Variants in ADAMTS3 observed in about 807,000 individuals in gnomAD.
The protein encoded by ADAMTS3 is ADAM metallopeptidase with thrombospondin type 1 motif 3.
In ADAMTS3, 73 loss-of-function variants were observed where a neutral mutation model predicts 129.0. That is an observed-to-expected ratio of 0.57 (90% CI 0.47 to 0.69). ADAMTS3 has a LOEUF of 0.69. Ranked by LOEUF, ADAMTS3 falls within the 30% of genes least tolerant of loss-of-function variation. The probability of loss-of-function intolerance (pLI) is 0.00; values close to 1 mark genes in which losing one functional copy is unlikely to be tolerated. For synonymous variants in ADAMTS3, 477 were observed against 510.8 expected (o/e 0.93, Z 0.89); for missense variants, 1,457 against 1,514.5 (o/e 0.96, Z 0.63).
chr4:72,335,283 A>ATT (rs1467124231), intron 5 of ADAMTS3, among the ~76,000 whole-genome samples: 1 of 152,100 alleles, frequency 6.6e-6, no homozygotes, highest in Non-Finnish European at 1.5e-5. Context: ...TTATGCATCC[A>ATT]AACACCCAGA....
At chr4:72,443,540 A>T (rs1223599151) in intron 3 of ADAMTS3, among the ~76,000 whole-genome samples, 1 of 151,752 alleles carries the variant, frequency 6.6e-6, no homozygotes, top group African/African-American at 2.4e-5. Context: ...TGTTTGACAA[A>T]TTAATTTCCT....
At chr4:72,341,169 T>G (rs574933056) in intron 4 of ADAMTS3, among the ~76,000 whole-genome samples, 102 of 152,294 alleles carry the variant, frequency 6.7e-4, no homozygotes, top group Middle Eastern at 6.8e-3. Flanking sequence ...TTAGAAGTAG[T>G]GAAAGTACAG....
chr4:72,518,664 G>T (rs1479106595), intron 3 of ADAMTS3, among the ~76,000 whole-genome samples: 1 of 152,044 alleles, frequency 6.6e-6, no homozygotes, highest in Non-Finnish European at 1.5e-5. Context: ...TGCAACCCCT[G>T]CTTTTTTTTG....
intron 4 of ADAMTS3, among the ~76,000 whole-genome samples, chr4:72,375,558 G>A (rs1578626109): frequency 6.6e-6 from 1 of 152,272 alleles, no homozygotes; most frequent in East Asian, 1.9e-4. Flanking sequence ...CTGATTCAGT[G>A]TATGGAGTCA....
chr4:72,548,485 T>C lies in ADAMTS3; in HGVS notation c.497A>G (p.Asp166Gly). The C allele has an allele frequency of 6.2e-7, 1 of 1,613,524 alleles. No homozygotes were observed. The highest frequency in any genetic ancestry group is 1.3e-5 in the African/African-American group (1 of 75,000). ...PGTSVAISNC[D>G]GLAGMIKSDN... Reference sequence around the variant, plus strand: ...AAACAGAAGGAGTCTTACCAGACCATCACAGTTGCTGATGGCAACAGAGGT... The same window carrying C: ...AAACAGAAGGAGTCTTACCAGACCACCACAGTTGCTGATGGCAACAGAGGT... Residue 166 changes from aspartate (D) to glycine (G), a missense_variant, in exon 3 of 22, where the codon GAT (aspartate) becomes GGT (glycine). Physicochemically the swap from Asp to Gly is moderately conservative, Grantham distance 94. Coordinates refer to ENST00000286657, the MANE Select transcript of ADAMTS3 (RefSeq NM_014243.3).
chr4:72,550,225 G>A (rs1056688776), intron 2 of ADAMTS3, among the ~76,000 whole-genome samples: 8 of 151,890 alleles, frequency 5.3e-5, no homozygotes, highest in Non-Finnish European at 1.2e-4. Flanking sequence ...AAAATGGTAT[G>A]ATTCACAAAA....
intron 4 of ADAMTS3, among the ~76,000 whole-genome samples, chr4:72,374,347 A>C (rs1721087102): frequency 1.3e-5 from 2 of 151,738 alleles, no homozygotes; most frequent in Admixed American, 1.3e-4. Context: ...TATGCTTTGA[A>C]TCACCCAAGC....
intron 4 of ADAMTS3, among the ~76,000 whole-genome samples, chr4:72,372,663 T>C (rs190075139): frequency 1.8e-4 from 28 of 152,150 alleles, no homozygotes; most frequent in Admixed American, 9.8e-4. Flanking sequence ...AAATTTGCTT[T>C]TTATATGCTA....
chr4:72,426,402 C>T (rs953839376), intron 3 of ADAMTS3, among the ~76,000 whole-genome samples: 31 of 152,156 alleles, frequency 2.0e-4, no homozygotes, highest in African/African-American at 7.2e-4. Context: ...GACATGAAGT[C>T]CTTGAATCTG....
chr4:72,432,100 C>T (rs996010138), intron 3 of ADAMTS3, among the ~76,000 whole-genome samples: 1 of 151,950 alleles, frequency 6.6e-6, no homozygotes, highest in East Asian at 1.9e-4. Context: ...GCAGAGGCTG[C>T]TGGCACTCAC....
rs34017100 is a variant in ADAMTS3, at chr4:72,371,903, CAA to C, written c.662-32212_662-32211del. Among the ~76,000 whole-genome samples, 225 of 142,468 alleles carry C rather than the reference CAA, an allele frequency of 1.6e-3. 1 individual carries two copies. Among genetic ancestry groups the C allele is most frequent in the African/African-American group, 5.1e-3 (205 of 40,014 alleles). 93.5% of individuals were successfully genotyped at this position (142,468 alleles called of 152,430 possible). A position where few individuals can be genotyped will look rare whatever the true frequency, so the allele number is the denominator to read the frequency against. ...GCCATAAAGCAAGTCATACAAATTTCAAAAAAAAAAAAATGAATCATTCTGTG... is the reference window on the plus strand; with the variant it reads ...GCCATAAAGCAAGTCATACAAATTTCAAAAAAAAAAATGAATCATTCTGTG... On this transcript the variant is annotated intron_variant, in intron 4 of 21. Coordinates refer to ENST00000286657, the MANE Select transcript of ADAMTS3 (RefSeq NM_014243.3).
rs1375942467 is a variant in ADAMTS3, at chr4:72,290,902, T to C, written c.2884A>G (p.Asn962Asp). The C allele has an allele frequency of 6.2e-7, 1 of 1,614,020 alleles. No homozygotes were observed. Among genetic ancestry groups the C allele is most frequent in the Non-Finnish European group, 8.5e-7 (1 of 1,179,952 alleles). ...GDRPESRRPC[N>D]RVPCPAQWKT... ...CACTGTGCAGGGCAGGGCACTCTGT[T>C]ACAGGGCCGGCGGCTCTCGGGACGG... The change falls in exon 20 of 22, where the codon AAC becomes GAC. Residue 962 changes from asparagine (N) to aspartate (D), a missense_variant. Coordinates refer to ENST00000286657, the MANE Select transcript of ADAMTS3 (RefSeq NM_014243.3).
intron 3 of ADAMTS3, among the ~76,000 whole-genome samples, chr4:72,496,420 CTTT>C (rs1228369308): frequency 2.0e-5 from 3 of 152,134 alleles, no homozygotes; most frequent in African/African-American, 7.2e-5. Flanking sequence ...CACCTTTCTT[CTTT>C]AATTTTTTAA....
intron 3 of ADAMTS3, among the ~76,000 whole-genome samples, chr4:72,534,313 C>T (rs112735380): frequency 0.028 from 4,150 of 150,672 alleles, 88 homozygotes; most frequent in Non-Finnish European, 0.044. Flanking sequence ...GGCGACAGAG[C>T]GAGACTCCGT....
intron 3 of ADAMTS3, among the ~76,000 whole-genome samples, chr4:72,440,786 T>C (rs1718093479): frequency 6.6e-6 from 1 of 151,776 alleles, no homozygotes; most frequent in Non-Finnish European, 1.5e-5. Context: ...CCATCCATAA[T>C]CAAAATAATT....
At chr4:72,450,008 T>C (rs1021607070) in intron 3 of ADAMTS3, among the ~76,000 whole-genome samples, 6 of 151,898 alleles carry the variant, frequency 4.0e-5, no homozygotes, top group South Asian at 2.1e-4. Context: ...TGTGTGTATA[T>C]TGGTTTTCCA....
At chr4:72,319,293 T>TA (rs1262420784) in intron 9 of ADAMTS3, 39 bp downstream of exon 9, 1 of 1,611,602 alleles carries the variant, frequency 6.2e-7, no homozygotes, top group Admixed American at 1.7e-5. Context: ...CTGTAGGCTA[T>TA]AAAATAAATA....
At chr4:72,352,620 G>A (rs1198170284) in intron 4 of ADAMTS3, among the ~76,000 whole-genome samples, 2 of 151,966 alleles carry the variant, frequency 1.3e-5, no homozygotes, top group East Asian at 3.9e-4. Context: ...AGGAAAGAAG[G>A]ATATGTAAAC....
chr4:72,332,818 C>T (rs756457216), intron 5 of ADAMTS3, among the ~76,000 whole-genome samples: 10 of 152,288 alleles, frequency 6.6e-5, no homozygotes, highest in Non-Finnish European at 1.2e-4. Context: ...TTGATTCAAT[C>T]AGGTAACTAA....
Sources: gnomAD v4.1 joint callset for allele counts (sites outside exome capture counted in the v4.1 genomes callset) on GRCh38, gnomAD v4.1.1 for gene constraint, MANE v1.5 for transcripts, NCBI Gene and HGNC (gene_info 2026-07-23, HGNC 2026-07-21) for gene names.